SF3B2: variants seen among roughly 807,000 people sequenced by gnomAD.
SF3B2 encodes splicing factor 3b subunit 2, also known as SAP 145.
In SF3B2, 22 loss-of-function variants were observed where a neutral mutation model predicts 116.3. That is an observed-to-expected ratio of 0.19 (90% confidence interval 0.14 to 0.27). SF3B2 has a LOEUF of 0.27. Among genes scored for constraint, SF3B2 ranks in the 10% least tolerant of loss-of-function variants. The pLI is 1.00. For missense variants in SF3B2, 767 were observed against 1,151.4 expected (o/e 0.67, Z 4.83); for synonymous variants, 406 against 421.6 (o/e 0.96, Z 0.45).
At chr11:66,060,861 G>T (rs1421841690) in intron 14 of SF3B2, 130 bp downstream of exon 14, 3 of 991,056 alleles carry the variant, frequency 3.0e-6, no homozygotes, top group African/African-American at 3.2e-5. Flanking sequence ...GTGCAGTGGT[G>T]GGATCTCGGC....
chr11:66,063,847 C>T, intron 19 of SF3B2, 118 bp downstream of exon 19: 2 of 748,490 alleles, frequency 2.7e-6, no homozygotes, highest in Non-Finnish European at 4.2e-6. Context: ...CAACTCTCTG[C>T]CAGGCACTAC....
intron 2 of SF3B2, 22 bp from the exon 3 acceptor site, chr11:66,053,005 T>C (rs1464503104): frequency 6.2e-7 from 1 of 1,612,772 alleles, no homozygotes; most frequent in African/African-American, 1.3e-5. Context: ...TGGACTGACC[T>C]AGAGTCCTTT....
In SF3B2 at chr11:66,059,167, G is replaced by C. The variant is rs970956993; in HGVS notation, c.1183-34G>C. The C allele has an allele frequency of 1.2e-6, 2 of 1,613,694 alleles. No individual in the cohort carries two copies. Among genetic ancestry groups the C allele is most frequent in the Non-Finnish European group, 1.7e-6 (2 of 1,179,906 alleles). On this transcript the variant is annotated intron_variant, in intron 10 of 21. Transcript: ENST00000322535. The surrounding 1 kb of genome is among the most constrained non-coding windows in gnomAD (Gnocchi z 5.0). ...GCCTTAGGAACTGGGAAGGGGCTCA[G>C]AGGGCAGGGGTTTCACCTTGTCTGC...
At chr11:66,066,758 T>A (rs1432241825) in intron 19 of SF3B2, 1 of 152,322 alleles carries the variant, frequency 6.6e-6, no homozygotes, top group East Asian at 1.9e-4. Context: ...TCCTTTTGGG[T>A]GCTTCTTTCC....
intron 14 of SF3B2, 124 bp from the exon 15 acceptor site, chr11:66,061,562 A>C: frequency 1.4e-6 from 1 of 738,972 alleles, no homozygotes; most frequent in South Asian, 1.6e-5. Flanking sequence ...CAGGGAAAGA[A>C]GTGATGAGAA....
Position 66,052,530 on chromosome 11 carries a change from G to A in SF3B2, c.133+13G>A, listed in dbSNP as rs1856897732. ...GCTCCGATCCAGGGTGAGGAACACAGGAAGTCGAGGGGCCTTTACGGGCCT... is the reference window on the plus strand; with the variant it reads ...GCTCCGATCCAGGGTGAGGAACACAAGAAGTCGAGGGGCCTTTACGGGCCT... On this transcript the variant is annotated intron_variant, in intron 1 of 21. Coordinates refer to ENST00000322535, the MANE Select transcript of SF3B2 (RefSeq NM_006842.3). 6.2e-7 allele frequency: 1 copy of A among 1,610,086 alleles called. No homozygotes were observed. Among genetic ancestry groups the A allele is most frequent in the Non-Finnish European group, 8.5e-7 (1 of 1,177,810 alleles).
At chr11:66,054,849 T>C (rs559080007) in intron 3 of SF3B2, among the ~76,000 whole-genome samples, 20 of 152,348 alleles carry the variant, frequency 1.3e-4, no homozygotes, top group Admixed American at 3.3e-4. Context: ...ATGCAGAATC[T>C]ATATTCAGGA....
At chr11:66,067,899 C>A in intron 19 of SF3B2, 47 bp from the exon 20 acceptor site, 1 of 1,508,612 alleles carries the variant, frequency 6.6e-7, no homozygotes, top group Non-Finnish European at 9.1e-7. Flanking sequence ...CTTCTGGAGA[C>A]CCTTTTGTCC....
Position 66,061,423 on chromosome 11 carries a change from A to G in SF3B2, c.1780-263A>G, listed in dbSNP as rs187181759. ...AATTTATGAGGTGGAAGAATTTTGC[A>G]TATCTTCCTGTCGAGTGCCCTCATT... On this transcript the variant is annotated intron_variant, in intron 14 of 21. Coordinates refer to ENST00000322535, the MANE Select transcript of SF3B2 (RefSeq NM_006842.3). Among the ~76,000 whole-genome samples, 456 of 152,314 alleles carry G rather than the reference A, an allele frequency of 3.0e-3. 1 individual carries two copies. Among genetic ancestry groups the G allele is most frequent in the Non-Finnish European group, 4.9e-3 (330 of 68,026 alleles).
chr11:66,068,774 C>T lies in SF3B2; in HGVS notation c.*29C>T, dbSNP rs1857238893. On this transcript the variant is annotated 3_prime_UTR_variant, in exon 22 of 22. Coordinates refer to ENST00000322535, the MANE Select transcript of SF3B2 (RefSeq NM_006842.3). ...CCCTCACACTAGCCCTTTTTTTGGCCCTACGTCTGGATGCCTGGGCTTCAC... is the reference window on the plus strand; with the variant it reads ...CCCTCACACTAGCCCTTTTTTTGGCTCTACGTCTGGATGCCTGGGCTTCAC... 1.3e-6 allele frequency: 2 copies of T among 1,587,130 alleles called. No homozygotes were observed. Among genetic ancestry groups the T allele is most frequent in the African/African-American group, 2.7e-5 (2 of 74,238 alleles).
Position 66,068,240 on chromosome 11 carries a change from C to T in SF3B2, c.2523C>T (p.Thr841=), listed in dbSNP as rs764963525. ...EELELDPMAM[T]QKYEEHVREQ... ...TGGAGCTGGATCCTATGGCCATGAC[C>T]CAGAAGTATGAGGAGCATGTGCGGG... The change falls in exon 21 of 22, where the codon ACC becomes ACT. Residue 841 remains threonine, a synonymous_variant. Coordinates refer to ENST00000322535, the MANE Select transcript of SF3B2 (RefSeq NM_006842.3). 6.2e-7 allele frequency: 1 copy of T among 1,614,098 alleles called. No individual in the cohort carries two copies. Among genetic ancestry groups the T allele is most frequent in the Admixed American group, 1.7e-5 (1 of 60,012 alleles).
intron 16 of SF3B2, among the ~76,000 whole-genome samples, chr11:66,062,806 G>A (rs993337483): frequency 6.6e-6 from 1 of 152,196 alleles, no homozygotes; most frequent in African/African-American, 2.4e-5. Context: ...TCTGCCTCCT[G>A]TCTCCTTATC....
At chr11:66,053,296 A>G in intron 3 of SF3B2, 192 bp downstream of exon 3, 2 of 614,536 alleles carry the variant, frequency 3.3e-6, no homozygotes, top group South Asian at 3.7e-5. Context: ...GTTGTTGGGC[A>G]GGGAGGTACT....
At chr11:66,067,910 C>T in intron 19 of SF3B2, 36 bp from the exon 20 acceptor site, 1 of 1,581,734 alleles carries the variant, frequency 6.3e-7, no homozygotes, top group Non-Finnish European at 8.7e-7. Context: ...CCTTTTGTCC[C>T]TTGCTTTTTG....
In SF3B2 at chr11:66,058,896, G is replaced by C. The variant is rs926757469; in HGVS notation, c.1033G>C (p.Glu345Gln). ...KPQRVRGVSSESSGDREKDST... is the reference protein window; with the variant it reads ...KPQRVRGVSSQSSGDREKDST... ...CCAGCGGGTGCGAGGGGTGTCCTCT[G>C]AGAGCTCTGGGGACCGGGAGAAAGA... The change falls in exon 10 of 22, where the codon GAG (glutamate) becomes CAG (glutamine). Residue 345 changes from glutamate to glutamine, a missense_variant. Glu to Gln is a conservative substitution (Grantham distance 29). This residue lies in a region of SF3B2 where 455 missense variants were observed against 537.5 expected (regional missense o/e 0.85). Transcript: ENST00000322535. The C allele has an allele frequency of 6.2e-7, 1 of 1,614,110 alleles. No homozygotes were observed.
At chr11:66,061,350 T>C (rs1303976363) in intron 14 of SF3B2, among the ~76,000 whole-genome samples, 2 of 152,134 alleles carry the variant, frequency 1.3e-5, no homozygotes, top group Non-Finnish European at 2.9e-5. Flanking sequence ...GTAGAGAAAT[T>C]GCTGGTTTTT....
chr11:66,058,596 GA>G, intron 9 of SF3B2, 191 bp downstream of exon 9: 1 of 628,808 alleles, frequency 1.6e-6, no homozygotes, highest in South Asian at 2.0e-5. Context: ...TTTTACAGCT[GA>G]AAAAGCAGAG....
rs373935988 is a variant in SF3B2 at position 66,052,389 on chromosome 11, C to T, written c.5C>T (p.Ala2Val). 3 of 1,610,000 alleles carry T rather than the reference C, an allele frequency of 1.9e-6. No homozygotes were observed. Among genetic ancestry groups the T allele is most frequent in the South Asian group, 2.2e-5 (2 of 90,910 alleles). Residue 2 changes from alanine (A) to valine (V), a missense_variant, in exon 1 of 22, where the codon GCG becomes GTG. Around this residue, in one of 4 missense-constraint regions of SF3B2, gnomAD observed 455 missense variants for 537.5 expected, o/e 0.85. Transcript: ENST00000322535. Reference sequence around the variant, plus strand: ...GCGCGCCTTCCTGCGGCTAAGATGGCGACGGAGCATCCCGAGCCTCCCAAA... The same window carrying T: ...GCGCGCCTTCCTGCGGCTAAGATGGTGACGGAGCATCCCGAGCCTCCCAAA... M[A>V]TEHPEPPKAE...
intron 3 of SF3B2, 136 bp from the exon 4 acceptor site, chr11:66,054,940 C>G: frequency 8.9e-6 from 7 of 782,532 alleles, no homozygotes; most frequent in Middle Eastern, 2.5e-4. Context: ...AGCTGTGGAG[C>G]ATTCTCTCTT....
Sources: allele counts gnomAD v4.1 joint callset (sites outside exome capture counted in the v4.1 genomes callset), GRCh38; gene constraint gnomAD v4.1.1; regional missense constraint gnomAD v4.1.1; non-coding constraint Gnocchi (gnomAD v3.1); transcripts MANE v1.5; gene names NCBI Gene and HGNC (gene_info 2026-07-23, HGNC 2026-07-21).